Variants in SGK3 observed in about 807,000 individuals in gnomAD.
SGK3 encodes serum/glucocorticoid regulated kinase family member 3, also known as serine/threonine-protein kinase Sgk3.
Under a neutral mutation model 68.5 loss-of-function variants are expected in SGK3, and 47 were observed. That is an observed-to-expected ratio of 0.69 (90% CI 0.54 to 0.87). SGK3 has a LOEUF of 0.87. SGK3 is among the 40% of genes least tolerant of loss of function. SGK3 has a pLI of 0.00. For missense variants in SGK3, 479 were observed against 575.5 expected (o/e 0.83, Z 1.72); for synonymous variants, 181 against 189.1 (o/e 0.96, Z 0.35).
At position 66,734,282 on chromosome 8, in the gene SGK3, A is replaced by G. The variant is rs1402320234; in HGVS notation, c.-122+21449A>G. ...TGAAATGATGTATGGTGTGATTGTT[A>G]GAGATGGATCAGCATGATTGGTCAT... On this transcript the variant is annotated intron_variant, in intron 1 of 16. Coordinates refer to ENST00000521198, the MANE Select transcript of SGK3 (RefSeq NM_001033578.3). Among the ~76,000 whole-genome samples, 38 of 121,056 alleles carry G rather than the reference A, an allele frequency of 3.1e-4. No individual in the cohort carries two copies. The Admixed American group carries it at 3.9e-3, about 13-fold the overall frequency. 79.4% of individuals were successfully genotyped at this position (121,056 alleles called of 152,430 possible).
intron 1 of SGK3, among the ~76,000 whole-genome samples, chr8:66,774,473 C>CT (rs1806617467): frequency 6.6e-6 from 1 of 152,062 alleles, no homozygotes; most frequent in African/African-American, 2.4e-5. Context: ...TGGCTTGATG[C>CT]TTCCAGCCGT....
At chr8:66,755,561 G>A (rs1406184675) in intron 1 of SGK3, among the ~76,000 whole-genome samples, 1 of 152,106 alleles carries the variant, frequency 6.6e-6, no homozygotes, top group Non-Finnish European at 1.5e-5. Context: ...GGTTGCTGCT[G>A]GTCTCAGAAT....
intron 1 of SGK3, among the ~76,000 whole-genome samples, chr8:66,747,468 A>T (rs1333845463): frequency 1.3e-5 from 2 of 152,228 alleles, no homozygotes; most frequent in African/African-American, 2.4e-5. Flanking sequence ...CTAGACTTGC[A>T]GGAGAACTAA....
At chr8:66,827,386 CAAAA>C (rs757439616) in intron 6 of SGK3, among the ~76,000 whole-genome samples, 7 of 52,332 alleles carry the variant, frequency 1.3e-4, no homozygotes, top group African/African-American at 4.3e-4. Flanking sequence ...AACTCTATCT[CAAAA>C]AAAAAAAAAA....
intron 3 of SGK3, among the ~76,000 whole-genome samples, chr8:66,803,560 C>T (rs957601367): frequency 6.6e-6 from 1 of 152,018 alleles, no homozygotes; most frequent in Non-Finnish European, 1.5e-5. Context: ...GAAAATATAA[C>T]TCATTTTTAT....
At chr8:66,743,884 T>G (rs1323280295) in intron 1 of SGK3, among the ~76,000 whole-genome samples, 1 of 152,220 alleles carries the variant, frequency 6.6e-6, no homozygotes, top group Non-Finnish European at 1.5e-5. Context: ...TTTTCCACAG[T>G]CAAATCTAGC....
intron 5 of SGK3, among the ~76,000 whole-genome samples, chr8:66,815,734 A>C (rs1808548672): frequency 6.6e-6 from 1 of 152,078 alleles, no homozygotes; most frequent in African/African-American, 2.4e-5. Context: ...GTTACTCAGA[A>C]CCCCTAACAC....
chr8:66,720,295 A>C (rs1266521732), intron 1 of SGK3, among the ~76,000 whole-genome samples: 1 of 152,228 alleles, frequency 6.6e-6, no homozygotes, highest in East Asian at 1.9e-4. Flanking sequence ...AAGCAGAAAT[A>C]ATTGACTTGA....
intron 1 of SGK3, among the ~76,000 whole-genome samples, chr8:66,731,992 C>A (rs1360331818): frequency 1.3e-5 from 2 of 151,922 alleles, no homozygotes; most frequent in Non-Finnish European, 2.9e-5. Flanking sequence ...ATTTTGAGAA[C>A]CTTATTTATT....
At chr8:66,789,899 G>A (rs558805834) in intron 1 of SGK3, among the ~76,000 whole-genome samples, 21 of 151,992 alleles carry the variant, frequency 1.4e-4, no homozygotes, top group Non-Finnish European at 2.8e-4. Context: ...TCATCATGAC[G>A]AAACCCCATC....
Position 66,850,854 on chromosome 8 carries a change from T to G in SGK3, c.1254T>G (p.Phe418Leu). ...EDFLEIQNHP[F>L]FESLSWADLV... ...AGCTTGAAATTCAGAATCATCCTTT[T>G]TTTGAATCACTCAGCTGGGCTGACC... Residue 418 changes from phenylalanine (F) to leucine (L), a missense_variant, in exon 16 of 17, where the codon TTT becomes TTG. This residue lies in a region of SGK3 where 173 missense variants were observed against 214.3 expected (regional missense o/e 0.81). Coordinates refer to ENST00000521198, the MANE Select transcript of SGK3 (RefSeq NM_001033578.3). The G allele has an allele frequency of 6.2e-7, 1 of 1,609,124 alleles. No homozygotes were observed. Among genetic ancestry groups the G allele is most frequent in the Middle Eastern group, 1.7e-4 (1 of 6,032 alleles).
chr8:66,797,708 T>C (rs1429751190), intron 2 of SGK3, among the ~76,000 whole-genome samples: 1 of 152,216 alleles, frequency 6.6e-6, no homozygotes, highest in African/African-American at 2.4e-5. Flanking sequence ...GAACTAACAA[T>C]TGAAGGTTTT....
At chr8:66,747,908 A>G (rs1805698011) in intron 1 of SGK3, among the ~76,000 whole-genome samples, 1 of 152,354 alleles carries the variant, frequency 6.6e-6, no homozygotes, top group East Asian at 1.9e-4. Flanking sequence ...TGTGTAGCAC[A>G]GCAGACAGAA....
intron 1 of SGK3, among the ~76,000 whole-genome samples, chr8:66,772,661 C>A (rs558644867): frequency 1.3e-5 from 2 of 151,212 alleles, no homozygotes; most frequent in African/African-American, 4.9e-5. Flanking sequence ...CCCGGGTTCA[C>A]GCCATTCTCC....
chr8:66,713,079 C>T (rs1804536407), intron 1 of SGK3, among the ~76,000 whole-genome samples: 2 of 152,210 alleles, frequency 1.3e-5, no homozygotes, highest in South Asian at 4.1e-4. Flanking sequence ...ACCTTGTTAA[C>T]CCCCACGCAG....
At chr8:66,847,053 C>G in intron 14 of SGK3, 140 bp from the exon 15 acceptor site, 1 of 1,195,158 alleles carries the variant, frequency 8.4e-7, no homozygotes, top group South Asian at 1.6e-5. Flanking sequence ...CTTCAGGAAG[C>G]CACACTGCAG....
intron 4 of SGK3, among the ~76,000 whole-genome samples, chr8:66,812,602 G>A (rs954172471): frequency 4.7e-5 from 7 of 150,362 alleles, no homozygotes; most frequent in African/African-American, 1.5e-4. Flanking sequence ...CTTTTAGACC[G>A]CCCCAACCAC....
intron 1 of SGK3, among the ~76,000 whole-genome samples, chr8:66,718,331 C>T (rs1336582020): frequency 6.6e-6 from 1 of 151,656 alleles, no homozygotes; most frequent in Admixed American, 6.6e-5. Context: ...AGCCTACCTC[C>T]CTATTTTCTA....
At chr8:66,805,478 G>A (rs898362835) in intron 4 of SGK3, among the ~76,000 whole-genome samples, 3 of 146,522 alleles carry the variant, frequency 2.0e-5, no homozygotes, top group Non-Finnish European at 4.5e-5. Flanking sequence ...GAGATCAGCA[G>A]CACTGCACTC....
Sources: allele counts gnomAD v4.1 joint callset (sites outside exome capture counted in the v4.1 genomes callset), GRCh38; gene constraint gnomAD v4.1.1; regional missense constraint gnomAD v4.1.1; transcripts MANE v1.5; gene names NCBI Gene and HGNC (gene_info 2026-07-23, HGNC 2026-07-21).